Variants in KIF5C observed in about 807,000 individuals in gnomAD.
KIF5C encodes the protein kinesin family member 5C.
KIF5C carries 18 observed loss-of-function variants against 125.2 expected under a neutral mutation model. That is an observed-to-expected ratio of 0.14 (90% CI 0.10 to 0.21). The LOEUF (loss-of-function observed/expected upper bound fraction) is 0.21. KIF5C is among the 10% of genes least tolerant of loss of function. The pLI, the probability that KIF5C is intolerant of heterozygous loss-of-function variation, is 1.00. For synonymous variants in KIF5C, 405 were observed against 434.0 expected (o/e 0.93, Z 0.83); for missense variants, 780 against 1,183.8 (o/e 0.66, Z 5.01).
At chr2:148,961,080 C>CG (rs1206316832) in intron 10 of KIF5C, among the ~76,000 whole-genome samples, 1 of 152,240 alleles carries the variant, frequency 6.6e-6, no homozygotes, top group Non-Finnish European at 1.5e-5. Flanking sequence ...CTCAACCCCC[C>CG]AGGCCATGTG....
intron 8 of KIF5C, chr2:148,947,352 AG>A (rs1178831751): frequency 8.6e-6 from 2 of 233,550 alleles, no homozygotes; most frequent in Non-Finnish European, 1.6e-5. Context: ...TGAACTTCTG[AG>A]AAAAGAGAAA....
At chr2:149,019,052 T>G (rs1417563226) in intron 25 of KIF5C, among the ~76,000 whole-genome samples, 1 of 152,240 alleles carries the variant, frequency 6.6e-6, no homozygotes, top group East Asian at 1.9e-4. Flanking sequence ...GTTTTACATT[T>G]TTGCAAATCT....
chr2:148,894,621 A>G (rs1476695174), intron 1 of KIF5C, among the ~76,000 whole-genome samples: 1 of 152,084 alleles, frequency 6.6e-6, no homozygotes, highest in African/African-American at 2.4e-5. Flanking sequence ...AATTATTATT[A>G]CAACCCTGTA....
chr2:148,974,756 AT>A (rs1039100104), intron 12 of KIF5C, among the ~76,000 whole-genome samples: 11 of 152,122 alleles, frequency 7.2e-5, no homozygotes, highest in Non-Finnish European at 1.0e-4. Flanking sequence ...GACCATATGC[AT>A]TTTTTTTCCT....
At chr2:148,987,534 C>A (rs76524922) in intron 15 of KIF5C, among the ~76,000 whole-genome samples, 3,673 of 152,186 alleles carry the variant, frequency 0.024, 138 homozygotes, top group African/African-American at 0.077. Context: ...TTCTGTTTAA[C>A]CCTTGGGGAA....
At chr2:148,890,346 T>A (rs976843432) in intron 1 of KIF5C, among the ~76,000 whole-genome samples, 17 of 151,966 alleles carry the variant, frequency 1.1e-4, no homozygotes, top group African/African-American at 3.6e-4. Context: ...AGAATATTTT[T>A]AAAAATTAGC....
rs77279321 is a variant in KIF5C at position 148,922,057 on chromosome 2, A to G, written c.127-80A>G. 1.3e-3 allele frequency: 1,191 copies of G among 896,860 alleles called. 21 individuals carry two copies. In the East Asian group the frequency reaches 0.026, roughly 19 times the overall value. The allele number at this position is 896,860 out of a possible 1,614,324, so 55.6% of individuals were successfully genotyped here. ...GTGACTTAGTGCCTATGGCCTAGCT[A>G]CTAATGTTTGCGATTTTTTATTCCT... On this transcript the variant is annotated intron_variant, in intron 1 of 25. Transcript: ENST00000435030.
intron 21 of KIF5C, among the ~76,000 whole-genome samples, chr2:149,002,107 T>C (rs768457060): frequency 3.3e-4 from 50 of 152,256 alleles, no homozygotes; most frequent in Admixed American, 4.6e-4. Flanking sequence ...AATTGCTTCA[T>C]CTACATCTGT....
chr2:149,019,839 C>A (rs937689936), intron 25 of KIF5C, among the ~76,000 whole-genome samples: 1 of 152,184 alleles, frequency 6.6e-6, no homozygotes, highest in East Asian at 1.9e-4. Flanking sequence ...TCTTGCAAAA[C>A]CCTTGTATAA....
intron 10 of KIF5C, among the ~76,000 whole-genome samples, chr2:148,953,851 A>G (rs1682727550): frequency 6.6e-6 from 1 of 152,218 alleles, no homozygotes. Context: ...TGGAATTTAA[A>G]GGGAAAAATT....
At chr2:148,977,658 G>A (rs904028099) in intron 12 of KIF5C, among the ~76,000 whole-genome samples, 3 of 152,214 alleles carry the variant, frequency 2.0e-5, no homozygotes, top group Non-Finnish European at 4.4e-5. Context: ...AAAGGGTTCA[G>A]TAGAAACAGG....
chr2:148,967,157 G>A (rs1018049294), intron 11 of KIF5C, among the ~76,000 whole-genome samples: 1 of 152,128 alleles, frequency 6.6e-6, no homozygotes, highest in Non-Finnish European at 1.5e-5. Flanking sequence ...GGATAACTCC[G>A]GGCATGTGCA....
chr2:148,979,373 CT>C (rs1178942343), intron 13 of KIF5C, among the ~76,000 whole-genome samples: 1 of 152,124 alleles, frequency 6.6e-6, no homozygotes, highest in Non-Finnish European at 1.5e-5. Flanking sequence ...ACCTCCAGAG[CT>C]CAAATGATCT....
At chr2:148,943,343 T>G (rs1259909746) in intron 7 of KIF5C, among the ~76,000 whole-genome samples, 8 of 152,138 alleles carry the variant, frequency 5.3e-5, no homozygotes, top group Admixed American at 4.6e-4. Flanking sequence ...GTTCATTGCA[T>G]CTCAGGGAAG....
intron 10 of KIF5C, among the ~76,000 whole-genome samples, chr2:148,956,055 G>C (rs1682784097): frequency 6.6e-6 from 1 of 152,218 alleles, no homozygotes; most frequent in African/African-American, 2.4e-5. Flanking sequence ...ATGAGTGTAG[G>C]AAACCACTGG....
intron 1 of KIF5C, among the ~76,000 whole-genome samples, chr2:148,881,626 C>T (rs76823139): frequency 9.2e-5 from 14 of 152,154 alleles, no homozygotes; most frequent in African/African-American, 3.4e-4. Flanking sequence ...TGGCCCGACT[C>T]CCCTATTTAA....
Position 148,927,286 on chromosome 2 carries a change from T to G in KIF5C, c.218-1995T>G, listed in dbSNP as rs143695003. On this transcript the variant is annotated intron_variant, in intron 2 of 25. Coordinates refer to ENST00000435030, the MANE Select transcript of KIF5C (RefSeq NM_004522.3). ...GGAGGAAGTTGAGCTCTGAGCTGTT[T>G]CCTTGGGTGTGGCCGGTTGCTCAGT... Among the ~76,000 whole-genome samples, 1,073 of 152,292 alleles carry G rather than the reference T, an allele frequency of 7.0e-3. 17 individuals carry two copies. The highest frequency in any genetic ancestry group is 0.065 in the Middle Eastern group (19 of 294).
At chr2:148,953,698 A>G (rs1682723659) in intron 10 of KIF5C, among the ~76,000 whole-genome samples, 1 of 152,132 alleles carries the variant, frequency 6.6e-6, no homozygotes, top group Non-Finnish European at 1.5e-5. Flanking sequence ...ACGTGAAGAG[A>G]GTACACGTTT....
At chr2:148,971,318 A>G (rs528844404) in intron 11 of KIF5C, among the ~76,000 whole-genome samples, 1 of 151,796 alleles carries the variant, frequency 6.6e-6, no homozygotes, top group East Asian at 1.9e-4. Flanking sequence ...CTATCTATCT[A>G]TCTATCTATC....
Sources: allele counts gnomAD v4.1 joint callset (sites outside exome capture counted in the v4.1 genomes callset), GRCh38; gene constraint gnomAD v4.1.1; transcripts MANE v1.5; gene names NCBI Gene and HGNC (gene_info 2026-07-23, HGNC 2026-07-21).